CSMD1: variants seen among roughly 807,000 people sequenced by gnomAD.
CSMD1 encodes the protein CUB and sushi domain-containing protein 1.
CSMD1 carries 213 observed loss-of-function variants against 417.5 expected under a neutral mutation model. The observed-to-expected ratio is 0.51, with a 90% CI of 0.46 to 0.57. The LOEUF (loss-of-function observed/expected upper bound fraction) is 0.57. CSMD1 is among the 20% of genes least tolerant of loss of function. CSMD1 has a pLI of 0.00. For missense variants in CSMD1, 6,923 were observed against 4,529.7 expected (o/e 1.53, Z -15.17); for synonymous variants, 2,862 against 1,736.8 (o/e 1.65, Z -16.11).
At chr8:3,486,756 A>T (rs1429289396) in intron 11 of CSMD1, among the ~76,000 whole-genome samples, 1 of 152,190 alleles carries the variant, frequency 6.6e-6, no homozygotes, top group African/African-American at 2.4e-5. Flanking sequence ...ATGGGTCCCC[A>T]AGGTCCCTGA....
chr8:3,219,330 T>A lies in CSMD1; in HGVS notation c.4597A>T (p.Ser1533Cys). Reference sequence around the variant, plus strand: ...AATGCCAGAAACAGGCTGTTTCCGCTACTCTCTATTCTTTCTGGGGCCTGA... The same window carrying A: ...AATGCCAGAAACAGGCTGTTTCCGCAACTCTCTATTCTTTCTGGGGCCTGA... ...GSQAPERIES[S>C]GNSLFLAFRS... is the part of the protein sequence containing the mutation. Residue 1533 changes from serine (S) to cysteine (C), a missense_variant, in exon 29 of 70, where the codon AGC becomes TGC. By Grantham distance (112) the Ser-to-Cys change is moderately radical. Coordinates refer to ENST00000635120, the MANE Select transcript of CSMD1 (RefSeq NM_033225.6). The A allele has an allele frequency of 6.3e-7, 1 of 1,584,792 alleles. No individual in the cohort carries two copies. Among genetic ancestry groups the A allele is most frequent in the Non-Finnish European group, 8.6e-7 (1 of 1,164,492 alleles).
At chr8:3,533,417 T>C (rs1798061284) in intron 10 of CSMD1, among the ~76,000 whole-genome samples, 1 of 152,204 alleles carries the variant, frequency 6.6e-6, no homozygotes, top group Non-Finnish European at 1.5e-5. Context: ...ATAACAGTGG[T>C]TTGACTCTGT....
chr8:4,179,911 T>A (rs1044622395), intron 3 of CSMD1, among the ~76,000 whole-genome samples: 4 of 152,068 alleles, frequency 2.6e-5, no homozygotes, highest in Non-Finnish European at 5.9e-5. Flanking sequence ...TGGCGATCAT[T>A]AAAAAGTCAG....
At chr8:3,291,162 C>A (rs1279025127) in intron 25 of CSMD1, among the ~76,000 whole-genome samples, 1 of 152,090 alleles carries the variant, frequency 6.6e-6, no homozygotes, top group Non-Finnish European at 1.5e-5. Flanking sequence ...GCCTTGCATC[C>A]CAGGGATGAA....
intron 3 of CSMD1, among the ~76,000 whole-genome samples, chr8:4,113,175 C>A (rs1456776636): frequency 6.6e-6 from 1 of 152,064 alleles, no homozygotes; most frequent in African/African-American, 2.4e-5. Flanking sequence ...TTCCTAGCCC[C>A]AGAGACACAA....
chr8:3,721,376 T>C (rs1215702282), intron 6 of CSMD1, among the ~76,000 whole-genome samples: 2 of 152,108 alleles, frequency 1.3e-5, no homozygotes, highest in Non-Finnish European at 2.9e-5. Context: ...ATCATCAACG[T>C]CTCTAGCCCA....
intron 10 of CSMD1, among the ~76,000 whole-genome samples, chr8:3,522,571 A>C (rs1052273597): frequency 8.5e-5 from 13 of 152,280 alleles, no homozygotes; most frequent in Middle Eastern, 3.4e-3. Flanking sequence ...ATAGAGAAAG[A>C]AATGGGAACA....
intron 3 of CSMD1, among the ~76,000 whole-genome samples, chr8:4,245,941 T>G (rs752635681): frequency 6.6e-6 from 1 of 152,204 alleles, no homozygotes; most frequent in Non-Finnish European, 1.5e-5. Flanking sequence ...AAATGACTTT[T>G]CCTTCTAAAC....
chr8:4,636,375 A>C (rs139945002), intron 2 of CSMD1, among the ~76,000 whole-genome samples: 26 of 152,296 alleles, frequency 1.7e-4, no homozygotes, highest in African/African-American at 6.3e-4. Flanking sequence ...AAAACTATAG[A>C]TCAAAAGAGA....
chr8:3,096,884 C>T lies in CSMD1; in HGVS notation c.7103G>A (p.Ser2368Asn). The change falls in exon 47 of 70, where the codon AGT becomes AAT. Residue 2368 changes from serine to asparagine, a missense_variant. Transcript: ENST00000635120. ...TTCCAGTGCATCAAACTGCTTTTCA[C>T]TTTGAAATGTGTCCACAAAGATGGT... ...NITIFVDTFQ[S>N]EKQFDALEVF... The T allele has an allele frequency of 1.9e-6, 3 of 1,557,128 alleles. No homozygotes were observed. The highest frequency in any genetic ancestry group is 2.6e-6 in the Non-Finnish European group (3 of 1,149,246).
At chr8:3,851,526 G>T (rs946644565) in intron 5 of CSMD1, among the ~76,000 whole-genome samples, 1 of 152,134 alleles carries the variant, frequency 6.6e-6, no homozygotes, top group African/African-American at 2.4e-5. Context: ...TTGATCAGGT[G>T]GTCCCTGAAA....
chr8:4,905,828 A>T lies in CSMD1; in HGVS notation c.85+88504T>A, dbSNP rs1805228316. Among the ~76,000 whole-genome samples, 2 of 142,730 alleles carry T rather than the reference A, an allele frequency of 1.4e-5. 1 individual carries two copies. The allele number at this position is 142,730 out of a possible 152,430, so 93.6% of individuals were successfully genotyped here. ...GAGCGAGACTCCATCTCAAAAAAAAAAAAAAAGAAAAAAAGAAAAAGTAAA... is the reference window on the plus strand; with the variant it reads ...GAGCGAGACTCCATCTCAAAAAAAATAAAAAAGAAAAAAAGAAAAAGTAAA... On this transcript the variant is annotated intron_variant, in intron 1 of 69. Coordinates refer to ENST00000635120, the MANE Select transcript of CSMD1 (RefSeq NM_033225.6).
At chr8:4,387,189 A>G (rs1395521174) in intron 3 of CSMD1, among the ~76,000 whole-genome samples, 2 of 152,244 alleles carry the variant, frequency 1.3e-5, no homozygotes, top group African/African-American at 4.8e-5. Flanking sequence ...TGTGGCTAGG[A>G]GGTATCTGAG....
chr8:3,694,384 G>A (rs1039513346), intron 7 of CSMD1, among the ~76,000 whole-genome samples: 1 of 152,168 alleles, frequency 6.6e-6, no homozygotes. Context: ...ACACCCAGAA[G>A]ACTGATCAAC....
chr8:4,954,549 T>A (rs1482828978), intron 1 of CSMD1, among the ~76,000 whole-genome samples: 1 of 152,194 alleles, frequency 6.6e-6, no homozygotes, highest in Non-Finnish European at 1.5e-5. Flanking sequence ...TTTTAAAAAA[T>A]ATGTTTAAAT....
intron 1 of CSMD1, among the ~76,000 whole-genome samples, chr8:4,774,410 G>C (rs1011271776): frequency 4.6e-5 from 7 of 152,118 alleles, no homozygotes; most frequent in African/African-American, 9.6e-5. Context: ...GGAAACATCC[G>C]CATGTAAATG....
intron 2 of CSMD1, among the ~76,000 whole-genome samples, chr8:4,545,299 G>T (rs993024399): frequency 6.6e-6 from 1 of 152,148 alleles, no homozygotes. Flanking sequence ...GTTGCAAAAT[G>T]ACTCAACAGT....
intron 2 of CSMD1, among the ~76,000 whole-genome samples, chr8:4,427,501 AC>A (rs1797631060): frequency 6.6e-6 from 1 of 151,948 alleles, no homozygotes. Context: ...ACACACACAC[AC>A]ACACACACAC....
chr8:4,037,884 CTG>C (rs1797699968), intron 3 of CSMD1, among the ~76,000 whole-genome samples: 1 of 151,866 alleles, frequency 6.6e-6, no homozygotes, highest in Admixed American at 6.6e-5. Context: ...CGTACAATAA[CTG>C]AAATTCACGT....
Sources: allele counts gnomAD v4.1 joint callset (sites outside exome capture counted in the v4.1 genomes callset), GRCh38; gene constraint gnomAD v4.1.1; transcripts MANE v1.5; gene names NCBI Gene and HGNC (gene_info 2026-07-23, HGNC 2026-07-21).